CPPED1: variants seen among roughly 807,000 people sequenced by gnomAD.
The protein encoded by CPPED1 is serine/threonine-protein phosphatase CPPED1.
A neutral mutation model predicts 28.0 loss-of-function variants in CPPED1; 28 were observed. The ratio of observed to expected loss-of-function variants is 1.00; its 90% CI spans 0.74 to 1.37. The LOEUF (loss-of-function observed/expected upper bound fraction) is 1.37. CPPED1 is among the 40% of genes most tolerant of loss of function. The pLI, the probability that CPPED1 is intolerant of heterozygous loss-of-function variation, is 0.00. For missense variants in CPPED1, 504 were observed against 416.5 expected (o/e 1.21, Z -1.83); for synonymous variants, 198 against 180.2 (o/e 1.10, Z -0.79).
chr16:12,725,426 G>A (rs558624133), intron 2 of CPPED1, among the ~76,000 whole-genome samples: 1 of 152,234 alleles, frequency 6.6e-6, no homozygotes, highest in African/African-American at 2.4e-5. Flanking sequence ...TACTTTGAAG[G>A]GACTTGTAAG....
rs1362890201 is a variant in CPPED1, at chr16:12,755,280, TC to T, written c.289+25904del. Among the ~76,000 whole-genome samples, 3 of 97,774 alleles carry T rather than the reference TC, an allele frequency of 3.1e-5. No individual in the cohort carries two copies. The South Asian group carries it at 1.4e-3, about 45-fold the overall frequency. The allele number at this position is 97,774 out of a possible 152,430, so 64.1% of individuals were successfully genotyped here. ...CTTCTCACAAGCATACAGTATGCAT[TC>T]TTTTTTTTTTTTTTTTTTGAGACAA... On this transcript the variant is annotated intron_variant, in intron 2 of 3. Coordinates refer to ENST00000381774, the MANE Select transcript of CPPED1 (RefSeq NM_018340.3).
At chr16:12,778,544 G>A (rs944829208) in intron 2 of CPPED1, among the ~76,000 whole-genome samples, 7 of 152,318 alleles carry the variant, frequency 4.6e-5, no homozygotes, top group Middle Eastern at 3.4e-3. Flanking sequence ...CCAAAGTACT[G>A]GGATTGCAGG....
intron 2 of CPPED1, among the ~76,000 whole-genome samples, chr16:12,717,874 T>G (rs1410682140): frequency 5.9e-5 from 9 of 151,802 alleles, no homozygotes; most frequent in Non-Finnish European, 5.9e-5. Context: ...ACTCCTGACC[T>G]CAAGTGATCT....
At chr16:12,797,174 C>G (rs1030684766) in intron 1 of CPPED1, among the ~76,000 whole-genome samples, 2 of 152,104 alleles carry the variant, frequency 1.3e-5, no homozygotes, top group Admixed American at 6.6e-5. Context: ...TGTGACTACA[C>G]CACTCTAAAG....
At chr16:12,722,063 T>C (rs2080143990) in intron 2 of CPPED1, among the ~76,000 whole-genome samples, 1 of 151,994 alleles carries the variant, frequency 6.6e-6, no homozygotes, top group African/African-American at 2.4e-5. Flanking sequence ...TTAAAGAAAA[T>C]AAGACCTCGC....
intron 1 of CPPED1, among the ~76,000 whole-genome samples, chr16:12,799,264 G>A (rs78642427): frequency 1.3e-5 from 1 of 75,222 alleles, no homozygotes; most frequent in African/African-American, 4.2e-5. Flanking sequence ...TTTTTTTTTT[G>A]AGACACAGTC....
At chr16:12,803,609 G>T in intron 1 of CPPED1, 98 bp downstream of exon 1, 1 of 1,074,942 alleles carries the variant, frequency 9.3e-7, no homozygotes, top group Non-Finnish European at 1.3e-6. Flanking sequence ...GCCCCGGATG[G>T]TGTCCGACTG....
intron 2 of CPPED1, among the ~76,000 whole-genome samples, chr16:12,719,786 T>C (rs2080128672): frequency 1.3e-5 from 2 of 151,872 alleles, no homozygotes; most frequent in Middle Eastern, 3.4e-3. Context: ...AATACAAAAA[T>C]TAGCCGGGCG....
intron 2 of CPPED1, among the ~76,000 whole-genome samples, chr16:12,739,949 G>A (rs1454946537): frequency 6.6e-6 from 1 of 151,902 alleles, no homozygotes; most frequent in Non-Finnish European, 1.5e-5. Flanking sequence ...AGAGACACTG[G>A]TCATGACAGT....
chr16:12,762,967 G>A (rs1483789682), intron 2 of CPPED1, among the ~76,000 whole-genome samples: 5 of 151,996 alleles, frequency 3.3e-5, no homozygotes, highest in Non-Finnish European at 5.9e-5. Flanking sequence ...GGTGGCTCAC[G>A]CCTGTAATCC....
chr16:12,723,961 GCCA>G (rs1252624084), intron 2 of CPPED1, among the ~76,000 whole-genome samples: 1 of 152,060 alleles, frequency 6.6e-6, no homozygotes, highest in Non-Finnish European at 1.5e-5. Flanking sequence ...CTCATACCCA[GCCA>G]CCACCATGTC....
At chr16:12,795,902 G>A (rs1024803852) in intron 1 of CPPED1, among the ~76,000 whole-genome samples, 2 of 152,014 alleles carry the variant, frequency 1.3e-5, no homozygotes, top group Admixed American at 1.3e-4. Flanking sequence ...TGGCCAACAT[G>A]GTAAAATCCC....
At chr16:12,764,793 C>CA (rs2080429911) in intron 2 of CPPED1, among the ~76,000 whole-genome samples, 1 of 152,212 alleles carries the variant, frequency 6.6e-6, no homozygotes, top group African/African-American at 2.4e-5. Flanking sequence ...CTTGATGCCT[C>CA]ATGACTCTGC....
chr16:12,760,678 G>A (rs1387116595), intron 2 of CPPED1: 1 of 152,162 alleles, frequency 6.6e-6, no homozygotes, highest in Non-Finnish European at 1.5e-5. Flanking sequence ...CAAGTGTTTA[G>A]AGATCCCTAG....
intron 2 of CPPED1, among the ~76,000 whole-genome samples, chr16:12,752,769 T>C (rs1295643390): frequency 2.7e-5 from 4 of 147,862 alleles, no homozygotes; most frequent in African/African-American, 9.8e-5. Context: ...AGAAAAACAT[T>C]TGGAGCTAGT....
intron 3 of CPPED1, among the ~76,000 whole-genome samples, chr16:12,690,552 C>T (rs957557815): frequency 2.7e-5 from 4 of 150,742 alleles, no homozygotes; most frequent in Non-Finnish European, 5.9e-5. Flanking sequence ...TGTGGTGGCT[C>T]ATGCCTGTAA....
chr16:12,732,894 C>A (rs1056084575), intron 2 of CPPED1, among the ~76,000 whole-genome samples: 5 of 152,060 alleles, frequency 3.3e-5, no homozygotes, highest in African/African-American at 9.7e-5. Context: ...AAAAAGGAGG[C>A]AAAGGTAGAT....
At chr16:12,710,714 G>A (rs2080075567) in intron 2 of CPPED1, among the ~76,000 whole-genome samples, 1 of 151,984 alleles carries the variant, frequency 6.6e-6, no homozygotes, top group Non-Finnish European at 1.5e-5. Flanking sequence ...ATATATAAAT[G>A]GCCAATAAGG....
chr16:12,686,185 G>C (rs1354020459), intron 3 of CPPED1, among the ~76,000 whole-genome samples: 2 of 152,000 alleles, frequency 1.3e-5, no homozygotes. Context: ...TTTTGGGGTG[G>C]CCAGTAATCC....
Sources: allele counts gnomAD v4.1 joint callset (sites outside exome capture counted in the v4.1 genomes callset), GRCh38; gene constraint gnomAD v4.1.1; transcripts MANE v1.5; gene names NCBI Gene and HGNC (gene_info 2026-07-23, HGNC 2026-07-21).